CELF4: variants seen among roughly 807,000 people sequenced by gnomAD.
CELF4 encodes CUG-BP- and ETR-3-like factor 4.
In CELF4, 18 loss-of-function variants were observed where a neutral mutation model predicts 59.9. The observed-to-expected ratio is 0.30, with a 90% CI of 0.21 to 0.45. The LOEUF is 0.45. CELF4 is among the 20% of genes least tolerant of loss of function. The pLI, the probability that CELF4 is intolerant of heterozygous loss-of-function variation, is 1.00. For missense variants in CELF4, 456 were observed against 689.0 expected, an observed-to-expected ratio of 0.66 and a Z score of 3.79; for synonymous variants, 261 against 267.1, an observed-to-expected ratio of 0.98 and a Z score of 0.22.
Position 37,565,628 on chromosome 18 carries a change from A to G in CELF4, c.14T>C (p.Met5Thr). Residue 5 changes from methionine (M) to threonine (T), a missense_variant, in exon 1 of 13, where the codon ATG becomes ACG. By Grantham distance (81) the Met-to-Thr change is moderately conservative. This residue lies in a region of CELF4 where 70 missense variants were observed against 69.5 expected (regional missense o/e 1.01). Coordinates refer to ENST00000420428, the MANE Select transcript of CELF4 (RefSeq NM_020180.4). MYIK[M>T]ATLANGQADN... ...AGCCTGTCCGTTTGCTAACGTGGCC[A>G]TCTTTATATACATAGAGAAAATCTT... The G allele has an allele frequency of 6.3e-7, 1 of 1,597,468 alleles. No individual in the cohort carries two copies. The highest frequency in any genetic ancestry group is 8.5e-7 in the Non-Finnish European group (1 of 1,170,090).
intron 8 of CELF4, among the ~76,000 whole-genome samples, chr18:37,270,270 G>A (rs892002988): frequency 2.6e-5 from 4 of 152,226 alleles, no homozygotes; most frequent in Non-Finnish European, 4.4e-5. Flanking sequence ...CACGCTTTGC[G>A]TGCACCATGA....
At chr18:37,436,268 C>T (rs1190084005) in intron 2 of CELF4, among the ~76,000 whole-genome samples, 1 of 152,142 alleles carries the variant, frequency 6.6e-6, no homozygotes, top group Non-Finnish European at 1.5e-5. Flanking sequence ...ACCACGAACT[C>T]GGGAGCAGTT....
intron 2 of CELF4, among the ~76,000 whole-genome samples, chr18:37,359,267 G>A (rs2098660905): frequency 6.6e-6 from 1 of 152,178 alleles, no homozygotes; most frequent in Admixed American, 6.5e-5. Context: ...AAGAAGGGCT[G>A]GTCAGTGGTC....
chr18:37,343,063 C>T (rs2098116550), intron 2 of CELF4, among the ~76,000 whole-genome samples: 2 of 152,260 alleles, frequency 1.3e-5, no homozygotes, highest in Non-Finnish European at 2.9e-5. Flanking sequence ...GGGTGTGCAC[C>T]GTGTGACCAC....
chr18:37,554,470 C>T (rs1163384149), intron 1 of CELF4, among the ~76,000 whole-genome samples: 1 of 152,148 alleles, frequency 6.6e-6, no homozygotes, highest in Non-Finnish European at 1.5e-5. Context: ...CAAGCAGCCC[C>T]ATCTCCCATT....
At chr18:37,400,321 T>C (rs1030340781) in intron 2 of CELF4, among the ~76,000 whole-genome samples, 1 of 91,386 alleles carries the variant, frequency 1.1e-5, no homozygotes. Flanking sequence ...TGTGTGTATA[T>C]ATGTATATGT....
intron 2 of CELF4, among the ~76,000 whole-genome samples, chr18:37,403,517 C>T (rs1398071941): frequency 6.6e-6 from 1 of 152,124 alleles, no homozygotes; most frequent in African/African-American, 2.4e-5. Flanking sequence ...GGCCATGTGA[C>T]TCCATGTTTG....
intron 2 of CELF4, among the ~76,000 whole-genome samples, chr18:37,383,818 G>A (rs1424934454): frequency 6.6e-6 from 1 of 152,200 alleles, no homozygotes; most frequent in South Asian, 2.1e-4. Flanking sequence ...TGGTGGGCTA[G>A]TCCAGGGACC....
chr18:37,345,456 G>A (rs1240734185), intron 2 of CELF4, among the ~76,000 whole-genome samples: 1 of 152,148 alleles, frequency 6.6e-6, no homozygotes, highest in African/African-American at 2.4e-5. Flanking sequence ...TCGGGGGTGG[G>A]GTGGGGGACA....
chr18:37,537,787 T>G (rs778789529), intron 1 of CELF4, among the ~76,000 whole-genome samples: 1 of 152,228 alleles, frequency 6.6e-6, no homozygotes, highest in Non-Finnish European at 1.5e-5. Flanking sequence ...GGGAGAAAAC[T>G]TTTTTATTCA....
intron 1 of CELF4, among the ~76,000 whole-genome samples, chr18:37,500,533 TTTTC>T (rs372342356): frequency 0.35 from 40,272 of 113,602 alleles, 5,787 homozygotes; most frequent in East Asian, 0.6. Context: ...TTTCTTTTCT[TTTTC>T]TTTTTTTTTT....
intron 1 of CELF4, among the ~76,000 whole-genome samples, chr18:37,518,641 C>A (rs1436430532): frequency 2.0e-5 from 3 of 152,040 alleles, no homozygotes; most frequent in Non-Finnish European, 2.9e-5. Flanking sequence ...GCTGCTGGGG[C>A]CTGAAGAGCA....
At chr18:37,457,885 G>T (rs1296641837) in intron 2 of CELF4, among the ~76,000 whole-genome samples, 1 of 152,114 alleles carries the variant, frequency 6.6e-6, no homozygotes, top group African/African-American at 2.4e-5. Context: ...ATGCTCCAAG[G>T]ATCCAGCACA....
At chr18:37,558,470 A>G (rs897369038) in intron 1 of CELF4, among the ~76,000 whole-genome samples, 1 of 126,214 alleles carries the variant, frequency 7.9e-6, no homozygotes, top group African/African-American at 3.2e-5. Context: ...TTCAGGCCCC[A>G]CTTTGGGGTT....
At chr18:37,466,096 G>A (rs1398290859) in intron 2 of CELF4, among the ~76,000 whole-genome samples, 3 of 152,230 alleles carry the variant, frequency 2.0e-5, no homozygotes, top group Non-Finnish European at 4.4e-5. Flanking sequence ...GGCTCCACAA[G>A]GGGCCAGCTA....
At chr18:37,392,489 G>A (rs75685160) in intron 2 of CELF4, among the ~76,000 whole-genome samples, 2,899 of 152,294 alleles carry the variant, frequency 0.019, 91 homozygotes, top group African/African-American at 0.065. Context: ...GAAACCCAGA[G>A]CTGAGAGGAG....
chr18:37,488,044 C>T (rs1240145388), intron 1 of CELF4, among the ~76,000 whole-genome samples: 2 of 152,014 alleles, frequency 1.3e-5, no homozygotes, highest in Non-Finnish European at 2.9e-5. Flanking sequence ...CTTAGCCCCC[C>T]AGGTGCACTC....
At chr18:37,497,600 T>TCTGTGCAGTGAGCACA (rs909624240) in intron 1 of CELF4, among the ~76,000 whole-genome samples, 1 of 148,918 alleles carries the variant, frequency 6.7e-6, no homozygotes, top group Non-Finnish European at 1.5e-5. Flanking sequence ...TGCAGTGAGC[T>TCTGTGCAGTGAGCACA]GAGATCACAC....
chr18:37,438,517 T>C (rs1027080369), intron 2 of CELF4, among the ~76,000 whole-genome samples: 4 of 152,130 alleles, frequency 2.6e-5, no homozygotes, highest in Admixed American at 2.6e-4. Flanking sequence ...TACCTCTCAA[T>C]GTCGTGCACC....
Sources: gnomAD v4.1 joint callset for allele counts (sites outside exome capture counted in the v4.1 genomes callset) on GRCh38, gnomAD v4.1.1 for gene constraint, gnomAD v4.1.1 regional missense constraint, MANE v1.5 for transcripts, NCBI Gene and HGNC (gene_info 2026-07-23, HGNC 2026-07-21) for gene names.